The following GALNT9 variants were observed in gnomAD, a reference collection of about 807,000 sequenced individuals.
GALNT9 encodes the protein GalNAc transferase 9.
Under a neutral mutation model 63.1 loss-of-function variants are expected in GALNT9, and 47 were observed. That is an observed-to-expected ratio of 0.75 (90% confidence interval 0.59 to 0.95). The LOEUF (loss-of-function observed/expected upper bound fraction) is 0.95, where lower values mean the gene tolerates loss of function less well. Among genes scored for constraint, GALNT9 ranks in the 40% least tolerant of loss-of-function variants. The pLI is 0.00. For missense variants in GALNT9, 829 were observed against 874.8 expected (o/e 0.95, Z 0.66); for synonymous variants, 396 against 365.7 (o/e 1.08, Z -0.94).
At chr12:132,305,621 C>G (rs1555244580) in intron 1 of GALNT9, among the ~76,000 whole-genome samples, 1 of 151,798 alleles carries the variant, frequency 6.6e-6, no homozygotes, top group African/African-American at 2.4e-5. Flanking sequence ...ACACCCTCAC[C>G]CGGGCACACC....
intron 6 of GALNT9, among the ~76,000 whole-genome samples, chr12:132,244,145 A>T (rs1878601961): frequency 7.7e-6 from 1 of 129,972 alleles, no homozygotes; most frequent in Non-Finnish European, 1.8e-5. Context: ...TCCACGGGCC[A>T]AGACAGCCTG....
At chr12:132,216,674 T>TG (rs1799279759) in intron 6 of GALNT9, among the ~76,000 whole-genome samples, 1 of 152,184 alleles carries the variant, frequency 6.6e-6, no homozygotes, top group Non-Finnish European at 1.5e-5. Context: ...TTCCAGCATC[T>TG]GGGGGGATGA....
At position 132,197,778 on chromosome 12, in the gene GALNT9, C is replaced by T; in HGVS notation, c.1665+14G>A. The T allele has an allele frequency of 9.4e-7, 1 of 1,064,950 alleles. No individual in the cohort carries two copies. The highest frequency in any genetic ancestry group is 1.3e-6 in the Non-Finnish European group (1 of 742,728). 66.0% of individuals were successfully genotyped at this position (1,064,950 alleles called of 1,614,324 possible). On this transcript the variant is annotated intron_variant, in intron 10 of 10. Coordinates refer to ENST00000328957, the MANE Select transcript of GALNT9 (RefSeq NM_001122636.2). ...CCGCCCCAACCCCACGGCCCCCCTT[C>T]CCCAGAGGCTGACCTGGGTGAAGTC...
At chr12:132,260,439 C>T (rs1415560060) in intron 4 of GALNT9, among the ~76,000 whole-genome samples, 1 of 152,246 alleles carries the variant, frequency 6.6e-6, no homozygotes, top group Non-Finnish European at 1.5e-5. Context: ...GTGACCCCCT[C>T]AGCCCAGAAG....
At chr12:132,303,630 G>C (rs1365337850) in intron 1 of GALNT9, among the ~76,000 whole-genome samples, 1 of 23,216 alleles carries the variant, frequency 4.3e-5, no homozygotes, top group African/African-American at 2.6e-4. Flanking sequence ...CCCGGGCACA[G>C]AATCGCCCAG....
Position 132,261,076 on chromosome 12 carries a change from T to G in GALNT9, c.633A>C (p.Pro211=). 6.4e-7 allele frequency: 1 copy of G among 1,551,620 alleles called. No individual in the cohort carries two copies. Among genetic ancestry groups the G allele is most frequent in the Non-Finnish European group, 8.7e-7 (1 of 1,146,988 alleles). The change falls in exon 4 of 11, where the codon CCA becomes CCC. Residue 211 remains proline (P), a synonymous_variant. Coordinates refer to ENST00000328957, the MANE Select transcript of GALNT9 (RefSeq NM_001122636.2). The part of the protein sequence containing the change: ...NLDQYVNKRY[P]GLVKIVRNSR... ...TGTTGCGGACAATCTTCACGAGGCC[T>G]GGGTACCGCTTGTTGACGTACTGGT...
Position 132,286,468 on chromosome 12 carries a change from G to T in GALNT9, c.239-38C>A. Reference sequence around the variant, plus strand: ...AAGAGAGGGAGGTCAGGCAGGCCCAGGACACGCTGCGTCTGCACCCAGGAG... The same window carrying T: ...AAGAGAGGGAGGTCAGGCAGGCCCATGACACGCTGCGTCTGCACCCAGGAG... On this transcript the variant is annotated intron_variant, in intron 1 of 10. Transcript: ENST00000328957. This position sits in a 1 kb window ranked among gnomAD's most constrained non-coding sequence, Gnocchi z 7.4. The T allele has an allele frequency of 6.6e-7, 1 of 1,526,376 alleles. No individual in the cohort carries two copies. The highest frequency in any genetic ancestry group is 8.8e-7 in the Non-Finnish European group (1 of 1,135,826). The allele number at this position is 1,526,376 out of a possible 1,614,324, so 94.6% of individuals were successfully genotyped here. A position where few individuals can be genotyped will look rare whatever the true frequency, so the allele number is the denominator to read the frequency against.
intron 1 of GALNT9, among the ~76,000 whole-genome samples, chr12:132,298,068 C>A (rs1555243411): frequency 3.9e-5 from 6 of 152,062 alleles, no homozygotes. Flanking sequence ...ATAACCAACT[C>A]ACTCCCACAA....
chr12:132,200,997 C>T (rs1391185479), intron 8 of GALNT9, 127 bp downstream of exon 8: 4 of 936,628 alleles, frequency 4.3e-6, no homozygotes, highest in African/African-American at 1.6e-5. Flanking sequence ...CGAGTGGGAC[C>T]CTCTGGGGGA....
chr12:132,206,646 CAAAA>C (rs34047036), intron 6 of GALNT9, among the ~76,000 whole-genome samples: 1 of 135,740 alleles, frequency 7.4e-6, no homozygotes, highest in Non-Finnish European at 1.6e-5. Context: ...GACTCCGTCT[CAAAA>C]AAAAAAAAAA....
chr12:132,313,260 T>C (rs111205326), intron 1 of GALNT9, among the ~76,000 whole-genome samples: 32,427 of 129,644 alleles, frequency 0.25, 3,823 homozygotes, highest in Middle Eastern at 0.31. Context: ...CATCCATCCA[T>C]CCACCCACCC....
rs768913636 is a variant in GALNT9, at chr12:132,296,539, GAAT to G, written c.239-10112_239-10110del. ...ATCCTTGAATAAGATGTAATTTTGAGAATAATGGGAAATTTGCATCTATTAGCT... is the reference window on the plus strand; with the variant it reads ...ATCCTTGAATAAGATGTAATTTTGAGAATGGGAAATTTGCATCTATTAGCT... On this transcript the variant is annotated intron_variant, in intron 1 of 10. Coordinates refer to ENST00000328957, the MANE Select transcript of GALNT9 (RefSeq NM_001122636.2). This position sits in a 1 kb window ranked among gnomAD's most constrained non-coding sequence, Gnocchi z 4.2. Among the ~76,000 whole-genome samples the G allele has an allele frequency of 7.0e-4, 106 of 152,302 alleles. 1 individual carries two copies. Among genetic ancestry groups the G allele is most frequent in the Non-Finnish European group, 1.3e-3 (89 of 68,022 alleles).
At chr12:132,197,402 G>A (rs1875592920) in intron 10 of GALNT9, 149 bp from the exon 11 acceptor site, 2 of 1,213,264 alleles carry the variant, frequency 1.6e-6, no homozygotes, top group South Asian at 3.1e-5. Flanking sequence ...AGCACCCAGG[G>A]GGGCCGGGAA....
At chr12:132,326,677 C>T (rs1350447610) in intron 1 of GALNT9, among the ~76,000 whole-genome samples, 5 of 152,198 alleles carry the variant, frequency 3.3e-5, no homozygotes, top group Non-Finnish European at 4.4e-5. Flanking sequence ...CATTTTGTTT[C>T]GGATTTCCCC....
rs1566026999 is a variant in GALNT9, at chr12:132,329,057, G to C, written c.147C>G (p.Ser49Arg). 8 of 1,546,796 alleles carry C rather than the reference G, an allele frequency of 5.2e-6. No homozygotes were observed. Among genetic ancestry groups the C allele is most frequent in the Non-Finnish European group, 7.0e-6 (8 of 1,146,340 alleles). The change falls in exon 1 of 11, where the codon AGC (serine) becomes AGG (arginine). Residue 49 changes from serine to arginine, a missense_variant. Transcript: ENST00000328957. The part of the protein sequence containing the change: ...RIVSGDRRVR[S>R]RHAKVGTLGD... ...CCAGCGTGCCCACCTTGGCGTGTCG[G>C]CTGCGCACCCGGCGGTCGCCGCTCA...
At chr12:132,300,777 A>C (rs1419387980) in intron 1 of GALNT9, among the ~76,000 whole-genome samples, 1 of 147,228 alleles carries the variant, frequency 6.8e-6, no homozygotes, top group African/African-American at 2.5e-5. Flanking sequence ...CATGATAACT[A>C]ACCCACTCCC....
At chr12:132,320,283 C>T (rs1336743687) in intron 1 of GALNT9, among the ~76,000 whole-genome samples, 1 of 152,172 alleles carries the variant, frequency 6.6e-6, no homozygotes, top group African/African-American at 2.4e-5. Flanking sequence ...CGTGCAGAGC[C>T]GGGACCTCAC....
intron 6 of GALNT9, among the ~76,000 whole-genome samples, chr12:132,235,725 T>C (rs1436444056): frequency 1.1e-4 from 8 of 74,132 alleles, no homozygotes; most frequent in Middle Eastern, 0.012. Flanking sequence ...GGCAGGAGGG[T>C]CCCCCGGGCT....
intron 1 of GALNT9, among the ~76,000 whole-genome samples, chr12:132,309,562 G>A (rs782267298): frequency 6.6e-6 from 1 of 152,146 alleles, no homozygotes; most frequent in Non-Finnish European, 1.5e-5. Flanking sequence ...AAAATGAGAG[G>A]GCTCGGATAG....
Sources: gnomAD v4.1 joint callset for allele counts (sites outside exome capture counted in the v4.1 genomes callset) on GRCh38, gnomAD v4.1.1 for gene constraint, Gnocchi (gnomAD v3.1) non-coding constraint, MANE v1.5 for transcripts, NCBI Gene and HGNC (gene_info 2026-07-23, HGNC 2026-07-21) for gene names.